CTNS: variants seen among roughly 807,000 people sequenced by gnomAD.
The protein encoded by CTNS is cystinosin, lysosomal cystine transporter.
Under a neutral mutation model 43.7 loss-of-function variants are expected in CTNS, and 27 were observed. The observed-to-expected ratio is 0.62, with a 90% CI of 0.46 to 0.85. The LOEUF is 0.85. CTNS is among the 40% of genes least tolerant of loss of function. CTNS has a pLI of 0.00. For synonymous variants in CTNS, 187 were observed against 190.6 expected, an observed-to-expected ratio of 0.98 and a Z score of 0.16; for missense variants, 457 against 475.4, an observed-to-expected ratio of 0.96 and a Z score of 0.36.
At chr17:3,658,273 G>T in intron 10 of CTNS, 98 bp downstream of exon 10, 2 of 1,506,086 alleles carry the variant, frequency 1.3e-6, no homozygotes, top group South Asian at 2.3e-5. Flanking sequence ...CCGGCGTGAG[G>T]AAACAGGACG....
In CTNS at chr17:3,662,536, T is replaced by C. The variant is rs1294136631; in HGVS notation, c.*2167T>C. On this transcript the variant is annotated 3_prime_UTR_variant, in exon 12 of 12. Transcript: ENST00000046640. ...GCAGGGAGTCTTATAGGCAGGGGTC[T>C]CTCCCAGGCACCTCTGGGTGTCCCT... Among the ~76,000 whole-genome samples the C allele has an allele frequency of 1.3e-5, 2 of 152,056 alleles. No individual in the cohort carries two copies. The highest frequency in any genetic ancestry group is 1.3e-4 in the Admixed American group (2 of 15,268).
At chr17:3,637,561 G>T (rs1176421860) in intron 2 of CTNS, among the ~76,000 whole-genome samples, 2 of 151,978 alleles carry the variant, frequency 1.3e-5, no homozygotes, top group South Asian at 2.1e-4. Context: ...CCGCCTCCGG[G>T]GTTCAAGCGA....
chr17:3,654,307 C>T lies in CTNS; in HGVS notation c.226-691C>T, dbSNP rs116560306. Reference sequence around the variant, plus strand: ...CAAGGTGACATGTCCAGTAAGAGGACGAGAGCCATCCCTCCTTCCCTCAGA... The same window carrying T: ...CAAGGTGACATGTCCAGTAAGAGGATGAGAGCCATCCCTCCTTCCCTCAGA... On this transcript the variant is annotated intron_variant, in intron 5 of 11. Transcript: ENST00000046640. Among the ~76,000 whole-genome samples, 962 of 152,216 alleles carry T rather than the reference C, an allele frequency of 6.3e-3. 10 individuals carry two copies. The highest frequency in any genetic ancestry group is 0.022 in the African/African-American group (895 of 41,524).
intron 3 of CTNS, among the ~76,000 whole-genome samples, chr17:3,644,655 A>G (rs990754654): frequency 2.0e-5 from 3 of 152,008 alleles, no homozygotes; most frequent in Non-Finnish European, 4.4e-5. Context: ...TAGTAGAGAC[A>G]GGGTTTCACT....
intron 5 of CTNS, among the ~76,000 whole-genome samples, chr17:3,654,020 G>C (rs1002077549): frequency 1.3e-5 from 2 of 152,196 alleles, no homozygotes; most frequent in African/African-American, 4.8e-5. Context: ...AGTGCCTCAT[G>C]TATGTGCCTC....
In CTNS at chr17:3,649,384, G is replaced by A. The variant is rs140288070; in HGVS notation, c.225+453G>A. On this transcript the variant is annotated intron_variant, in intron 5 of 11. Transcript: ENST00000046640. ...GGAGGATCACTTGAACCCAGGAGGC[G>A]GAGGTTGGGGTGAGCCTAGATGGCC... Among the ~76,000 whole-genome samples the A allele has an allele frequency of 3.1e-4, 47 of 151,858 alleles. No individual in the cohort carries two copies. The East Asian group carries it at 3.7e-3, about 12-fold the overall frequency.
chr17:3,652,661 A>C (rs1485851810), intron 5 of CTNS, among the ~76,000 whole-genome samples: 4 of 152,178 alleles, frequency 2.6e-5, no homozygotes, highest in Non-Finnish European at 4.4e-5. Context: ...AGCGATTATC[A>C]CTTCATTCTG....
chr17:3,660,031 A>G (rs1294325327), intron 11 of CTNS, 56 bp downstream of exon 11: 17 of 1,531,506 alleles, frequency 1.1e-5, no homozygotes, highest in South Asian at 2.2e-5. Context: ...GGGCGGGGCC[A>G]GCCTTCCCGG....
chr17:3,648,831 C>T lies in CTNS; in HGVS notation c.141-16C>T. ...GTCCAGCTTCTCAGCAGTAATTAGA[C>T]TCTTGTCCTCCACAGGCCACCATTA... On this transcript the variant is annotated splice_polypyrimidine_tract_variant and intron_variant, in intron 4 of 11. Coordinates refer to ENST00000046640, the MANE Select transcript of CTNS (RefSeq NM_004937.3). The T allele has an allele frequency of 6.2e-7, 1 of 1,605,500 alleles. No homozygotes were observed. The highest frequency in any genetic ancestry group is 8.5e-7 in the Non-Finnish European group (1 of 1,172,044).
chr17:3,660,842 T>C lies in CTNS; in HGVS notation c.*473T>C. On this transcript the variant is annotated 3_prime_UTR_variant, in exon 12 of 12. Coordinates refer to ENST00000046640, the MANE Select transcript of CTNS (RefSeq NM_004937.3). ...AACTCAGAGGTGCTGGTGGACGGGC[T>C]AGGACTTTGGGGTTAGGCCATGGGG... The C allele has an allele frequency of 1.3e-6, 2 of 1,541,434 alleles. No homozygotes were observed. The highest frequency in any genetic ancestry group is 1.8e-6 in the Non-Finnish European group (2 of 1,137,414).
chr17:3,656,571 G>T lies in CTNS; in HGVS notation c.546G>T (p.Trp182Cys), dbSNP rs2150922764. 6.8e-6 allele frequency: 11 copies of T among 1,610,866 alleles called. No homozygotes were observed. The highest frequency in any genetic ancestry group is 8.5e-6 in the Non-Finnish European group (10 of 1,179,382). Residue 182 changes from tryptophan (W) to cysteine (C), a missense_variant, in exon 8 of 12, where the codon TGG (tryptophan) becomes TGT (cysteine). Coordinates refer to ENST00000046640, the MANE Select transcript of CTNS (RefSeq NM_004937.3). ...GTGTATTCAACATCGGCCTCCTCTG[G>T]GTGCCCTACATCAAGGTACGGCCTT... is the stretch of plus-strand genomic sequence containing the variant. ...AYSVFNIGLL[W>C]VPYIKEQFLL...
At chr17:3,648,268 C>T (rs1439078039) in intron 4 of CTNS, among the ~76,000 whole-genome samples, 1 of 152,226 alleles carries the variant, frequency 6.6e-6, no homozygotes, top group Non-Finnish European at 1.5e-5. Context: ...TGCACACCCT[C>T]CCCCTGCAAA....
intron 3 of CTNS, among the ~76,000 whole-genome samples, chr17:3,646,097 C>T (rs932406710): frequency 1.3e-5 from 2 of 152,000 alleles, no homozygotes; most frequent in Admixed American, 1.3e-4. Context: ...GAGTCATGAC[C>T]ATAACCCCAG....
At chr17:3,639,333 T>C (rs2150886957) in intron 2 of CTNS, among the ~76,000 whole-genome samples, 1 of 152,236 alleles carries the variant, frequency 6.6e-6, no homozygotes, top group East Asian at 1.9e-4. Context: ...CGAGTCCTCC[T>C]TGTGAATGAC....
intron 5 of CTNS, chr17:3,650,148 T>A: frequency 6.5e-7 from 1 of 1,548,924 alleles, no homozygotes. Flanking sequence ...ATACACTTTT[T>A]ATTTGTCAAT....
chr17:3,637,767 T>C (rs2075572948), intron 2 of CTNS, among the ~76,000 whole-genome samples: 1 of 152,118 alleles, frequency 6.6e-6, no homozygotes, highest in African/African-American at 2.4e-5. Context: ...GCGCCCAGCC[T>C]ACCCCCAGCC....
chr17:3,657,239 G>T (rs750930010), intron 9 of CTNS, among the ~76,000 whole-genome samples: 1 of 152,202 alleles, frequency 6.6e-6, no homozygotes, highest in Non-Finnish European at 1.5e-5. Flanking sequence ...AGAGGCCAAG[G>T]GGCATTTGAG....
intron 5 of CTNS, among the ~76,000 whole-genome samples, chr17:3,652,552 AT>A (rs752038402): frequency 1.1e-4 from 16 of 152,104 alleles, no homozygotes; most frequent in Admixed American, 1.0e-3. Flanking sequence ...AAATCATGCC[AT>A]TGCACTCCAG....
Position 3,646,869 on chromosome 17 carries a change from T to A in CTNS, c.62-575T>A, listed in dbSNP as rs75980971. 5.2e-3 allele frequency among the ~76,000 whole-genome samples: 799 copies of A among 152,272 alleles called. 10 individuals carry two copies. The highest frequency in any genetic ancestry group is 0.018 in the African/African-American group (758 of 41,558). ...CTCAGAGTGAAACAACTATTCACCC[T>A]TCCTCCTCCAGTACCCCGCAGATAG... On this transcript the variant is annotated intron_variant, in intron 3 of 11. Coordinates refer to ENST00000046640, the MANE Select transcript of CTNS (RefSeq NM_004937.3).
Sources: allele counts gnomAD v4.1 joint callset (sites outside exome capture counted in the v4.1 genomes callset), GRCh38; gene constraint gnomAD v4.1.1; transcripts MANE v1.5; gene names NCBI Gene and HGNC (gene_info 2026-07-23, HGNC 2026-07-21).